RHOH: variants seen among roughly 807,000 people sequenced by gnomAD.
RHOH encodes the protein rho-related GTP-binding protein RhoH.
In RHOH, 6 loss-of-function variants were observed where a neutral mutation model predicts 13.8. That is an observed-to-expected ratio of 0.44 (90% CI 0.24 to 0.86). RHOH has a LOEUF of 0.86. Among genes scored for constraint, RHOH ranks in the 40% least tolerant of loss-of-function variants. RHOH has a pLI of 0.24. For missense variants in RHOH, 147 were observed against 244.5 expected, an observed-to-expected ratio of 0.60 and a Z score of 2.66; for synonymous variants, 117 against 103.0, an observed-to-expected ratio of 1.14 and a Z score of -0.82.
rs575321485 is a variant in RHOH at position 40,218,315 on chromosome 4, C to T, written c.-331+21015C>T. On this transcript the variant is annotated intron_variant, in intron 1 of 2. Coordinates refer to ENST00000381799, the MANE Select transcript of RHOH (RefSeq NM_004310.5). The surrounding 1 kb of genome is among the most constrained non-coding windows in gnomAD (Gnocchi z 4.1). The stretch of plus-strand genomic sequence containing the variant: ...CTCTCTCAGGTATTTATTATATGCA[C>T]GTTCTGTCTACAATGACCAGTGGAC... 1 of 152,184 alleles carries T rather than the reference C, an allele frequency of 6.6e-6. No homozygotes were observed. The highest frequency in any genetic ancestry group is 1.5e-5 in the Non-Finnish European group (1 of 68,058). 9.4% of individuals were successfully genotyped at this position (152,184 alleles called of 1,614,324 possible).
chr4:40,210,938 G>T (rs1725194211), intron 1 of RHOH, among the ~76,000 whole-genome samples: 1 of 152,142 alleles, frequency 6.6e-6, no homozygotes, highest in Non-Finnish European at 1.5e-5. Flanking sequence ...GAAATACTGG[G>T]CTAGACCAAA....
chr4:40,213,506 T>TACAAA, intron 1 of RHOH, among the ~76,000 whole-genome samples: 1 of 152,120 alleles, frequency 6.6e-6, no homozygotes, highest in East Asian at 1.9e-4. Context: ...GATTTCTTCA[T>TACAAA]ACAAAACAAA....
chr4:40,195,164 A>G (rs2109332251), upstream of RHOH, among the ~76,000 whole-genome samples: 1 of 152,078 alleles, frequency 6.6e-6, no homozygotes, highest in Non-Finnish European at 1.5e-5. Context: ...TCATTTTCAA[A>G]TTTCTTGTTT....
chr4:40,199,512 C>A (rs767810553), intron 1 of RHOH, among the ~76,000 whole-genome samples: 20 of 152,100 alleles, frequency 1.3e-4, no homozygotes, highest in Non-Finnish European at 2.8e-4. Flanking sequence ...CTATTTTAAG[C>A]CATTTGGTAA....
At chr4:40,234,401 A>C (rs1159810897) in intron 1 of RHOH, among the ~76,000 whole-genome samples, 1 of 152,106 alleles carries the variant, frequency 6.6e-6, no homozygotes, top group Non-Finnish European at 1.5e-5. Context: ...CTAGTCTTGT[A>C]TTTGACTCTG....
intron 1 of RHOH, among the ~76,000 whole-genome samples, chr4:40,199,200 A>G (rs1363697279): frequency 6.6e-6 from 1 of 152,186 alleles, no homozygotes; most frequent in African/African-American, 2.4e-5. Flanking sequence ...AGATAAAAAT[A>G]TGTAAAGCAT....
chr4:40,232,785 A>G (rs942774552), intron 1 of RHOH, among the ~76,000 whole-genome samples: 1 of 152,024 alleles, frequency 6.6e-6, no homozygotes, highest in Admixed American at 6.6e-5. Flanking sequence ...TCCCCAAATC[A>G]AACATGTATT....
At chr4:40,213,994 T>G (rs186478285) in intron 1 of RHOH, among the ~76,000 whole-genome samples, 1 of 152,154 alleles carries the variant, frequency 6.6e-6, no homozygotes, top group African/African-American at 2.4e-5. Flanking sequence ...TGTGCTCAAG[T>G]GATCTGCCCG....
chr4:40,239,967 T>C (rs1423481673), intron 1 of RHOH, among the ~76,000 whole-genome samples: 2 of 152,200 alleles, frequency 1.3e-5, no homozygotes, highest in African/African-American at 4.8e-5. Flanking sequence ...TATTATTACA[T>C]TGATTTTACA....
In RHOH at chr4:40,218,807, G is replaced by T. The variant is rs1225937840; in HGVS notation, c.-331+21507G>T. ...GGAGTGGCTAAATGGCGTAAGCAAG[G>T]TCGTGTCACTAGGAGTAGAGCTGGG... On this transcript the variant is annotated intron_variant, in intron 1 of 2. Coordinates refer to ENST00000381799, the MANE Select transcript of RHOH (RefSeq NM_004310.5). The surrounding 1 kb of genome is among the most constrained non-coding windows in gnomAD (Gnocchi z 4.1). Among the ~76,000 whole-genome samples the T allele has an allele frequency of 6.6e-6, 1 of 152,232 alleles. No homozygotes were observed. Among genetic ancestry groups the T allele is most frequent in the Non-Finnish European group, 1.5e-5 (1 of 68,052 alleles).
At chr4:40,209,325 T>G (rs1396202435) in intron 1 of RHOH, 2 of 152,230 alleles carry the variant, frequency 1.3e-5, no homozygotes, top group Admixed American at 1.3e-4. Flanking sequence ...GTTTTTAAAA[T>G]ATGAGATAAT....
chr4:40,216,153 T>TTTTA (rs1473404730), intron 1 of RHOH, among the ~76,000 whole-genome samples: 10 of 151,306 alleles, frequency 6.6e-5, no homozygotes, highest in Admixed American at 2.0e-4. Flanking sequence ...TTTTTTTTTT[T>TTTTA]AGCTCTTTGA....
chr4:40,237,173 C>A (rs1268456584), intron 1 of RHOH, among the ~76,000 whole-genome samples: 1 of 152,162 alleles, frequency 6.6e-6, no homozygotes, highest in Admixed American at 6.5e-5. Flanking sequence ...AAAGCACTGG[C>A]CGGGTAAGGT....
At chr4:40,202,005 T>C (rs1450300057) in intron 1 of RHOH, among the ~76,000 whole-genome samples, 1 of 145,666 alleles carries the variant, frequency 6.9e-6, no homozygotes, top group Non-Finnish European at 1.5e-5. Context: ...CAGGCTGGAG[T>C]GCAGTGTGTA....
chr4:40,223,854 CTTCTGCCTCCTGGG>C (rs1726912606), intron 1 of RHOH, among the ~76,000 whole-genome samples: 1 of 137,976 alleles, frequency 7.2e-6, no homozygotes, highest in Non-Finnish European at 1.5e-5. Flanking sequence ...CTCACTGCAA[CTTCTGCCTCCTGGG>C]TTCAAGCAAT....
chr4:40,207,572 A>G (rs865976594), intron 1 of RHOH, among the ~76,000 whole-genome samples: 37 of 152,218 alleles, frequency 2.4e-4, no homozygotes, highest in Admixed American at 4.6e-4. Context: ...AGTACTACCC[A>G]CTTAATATGT....
At chr4:40,202,849 A>C (rs1724178810) in intron 1 of RHOH, among the ~76,000 whole-genome samples, 1 of 152,216 alleles carries the variant, frequency 6.6e-6, no homozygotes, top group Non-Finnish European at 1.5e-5. Context: ...AGAGGTGAAC[A>C]ACATGGATAA....
chr4:40,238,209 G>T (rs956240141), intron 1 of RHOH, among the ~76,000 whole-genome samples: 1 of 151,798 alleles, frequency 6.6e-6, no homozygotes, highest in African/African-American at 2.4e-5. Context: ...TGATCTGGCG[G>T]GGGCATCTGA....
rs559030238 is a variant in RHOH at position 40,216,329 on chromosome 4, C to T, written c.-331+19029C>T. Among the ~76,000 whole-genome samples the T allele has an allele frequency of 8.6e-5, 13 of 151,568 alleles. No individual in the cohort carries two copies. In the South Asian group the frequency reaches 2.7e-3, roughly 32 times the overall value. On this transcript the variant is annotated intron_variant, in intron 1 of 2. Coordinates refer to ENST00000381799, the MANE Select transcript of RHOH (RefSeq NM_004310.5). ...ATTAAAAATACAAAAACTAGCCGGGCGTGGTGGCAGGTGCCTGTAATCCCA... is the reference window on the plus strand; with the variant it reads ...ATTAAAAATACAAAAACTAGCCGGGTGTGGTGGCAGGTGCCTGTAATCCCA...
Sources: gnomAD v4.1 joint callset for allele counts (sites outside exome capture counted in the v4.1 genomes callset) on GRCh38, gnomAD v4.1.1 for gene constraint, Gnocchi (gnomAD v3.1) non-coding constraint, MANE v1.5 for transcripts, NCBI Gene and HGNC (gene_info 2026-07-23, HGNC 2026-07-21) for gene names.